The following BRINP2 variants were observed in gnomAD, a reference collection of about 807,000 sequenced individuals.
BRINP2 encodes the protein BMP/retinoic acid-inducible neural-specific protein 2.
A neutral mutation model predicts 69.2 loss-of-function variants in BRINP2; 21 were observed. The ratio of observed to expected loss-of-function variants is 0.30; its 90% CI spans 0.22 to 0.44. BRINP2 has a LOEUF of 0.44. Ranked by LOEUF, BRINP2 falls within the 20% of genes least tolerant of loss-of-function variation. The probability of loss-of-function intolerance (pLI) is 1.00; values close to 1 mark genes in which losing one functional copy is unlikely to be tolerated. For synonymous variants in BRINP2, 380 were observed against 394.1 expected, an observed-to-expected ratio of 0.96 and a Z score of 0.42; for missense variants, 877 against 986.0, an observed-to-expected ratio of 0.89 and a Z score of 1.48.
At chr1:177,172,087 C>T (rs978072296) in intron 1 of BRINP2, among the ~76,000 whole-genome samples, 1 of 152,184 alleles carries the variant, frequency 6.6e-6, no homozygotes, top group Non-Finnish European at 1.5e-5. Context: ...CAGAAGATGA[C>T]GAGGACTTTT....
At chr1:177,255,896 T>G in intron 2 of BRINP2, 23 bp from the exon 3 acceptor site, 1 of 1,610,890 alleles carries the variant, frequency 6.2e-7, no homozygotes. Flanking sequence ...CAGCTTTTCC[T>G]TATCCCTTGG....
intron 1 of BRINP2, among the ~76,000 whole-genome samples, chr1:177,174,003 A>G (rs796090101): frequency 4.7e-4 from 71 of 152,342 alleles, no homozygotes; most frequent in African/African-American, 1.7e-3. Flanking sequence ...TTATAATGGC[A>G]TCCTCTTCCA....
chr1:177,174,000 G>A (rs1329468470), intron 1 of BRINP2, among the ~76,000 whole-genome samples: 1 of 152,140 alleles, frequency 6.6e-6, no homozygotes, highest in Non-Finnish European at 1.5e-5. Context: ...ATTTTATAAT[G>A]GCATCCTCTT....
At chr1:177,205,510 A>T (rs1649047618) in intron 1 of BRINP2, among the ~76,000 whole-genome samples, 1 of 152,224 alleles carries the variant, frequency 6.6e-6, no homozygotes, top group South Asian at 2.1e-4. Flanking sequence ...TTCATTCCTG[A>T]GAAGAATGAG....
chr1:177,222,470 C>G (rs1015083104), intron 1 of BRINP2, among the ~76,000 whole-genome samples: 2 of 152,036 alleles, frequency 1.3e-5, no homozygotes, highest in African/African-American at 4.8e-5. Flanking sequence ...TGCCATCATG[C>G]CCAGCTAATT....
chr1:177,182,960 TTTTTTTTTCTTTTC>T (rs796194681), intron 1 of BRINP2, among the ~76,000 whole-genome samples: 7 of 151,018 alleles, frequency 4.6e-5, no homozygotes, highest in African/African-American at 1.7e-4. Context: ...GTTGTTTTTC[TTTTTTTTTCTTTTC>T]TTTTTTTTCT....
chr1:177,254,210 A>G (rs1486762251), intron 2 of BRINP2, among the ~76,000 whole-genome samples: 2 of 152,172 alleles, frequency 1.3e-5, no homozygotes, highest in East Asian at 1.9e-4. Flanking sequence ...TTCTCAAAAT[A>G]TGGATCCGCT....
intron 2 of BRINP2, among the ~76,000 whole-genome samples, chr1:177,249,547 A>G (rs554427126): frequency 1.3e-5 from 2 of 152,328 alleles, no homozygotes; most frequent in East Asian, 3.9e-4. Flanking sequence ...ACACAGTGGG[A>G]GAAGATTTTA....
intron 1 of BRINP2, among the ~76,000 whole-genome samples, chr1:177,221,634 T>C (rs1191873263): frequency 6.6e-6 from 1 of 152,196 alleles, no homozygotes; most frequent in African/African-American, 2.4e-5. Flanking sequence ...ATCTCAGTTA[T>C]TTCCCTCTTT....
chr1:177,190,144 G>A (rs1402641), intron 1 of BRINP2, among the ~76,000 whole-genome samples: 68,064 of 151,948 alleles, frequency 0.45, 15,272 homozygotes, highest in Middle Eastern at 0.53. Flanking sequence ...TGATAGGCAC[G>A]TTGCCTTCAG....
At chr1:177,278,448 C>A in intron 6 of BRINP2, 115 bp from the exon 7 acceptor site, 2 of 908,658 alleles carry the variant, frequency 2.2e-6, no homozygotes, top group Non-Finnish European at 3.5e-6. Context: ...GGGTGTGCAG[C>A]CTCCTTTCTC....
chr1:177,245,646 T>C (rs1236633917), intron 2 of BRINP2, among the ~76,000 whole-genome samples: 1 of 152,200 alleles, frequency 6.6e-6, no homozygotes, highest in Non-Finnish European at 1.5e-5. Context: ...CAGTTTGGGA[T>C]GTCAGGAAAG....
chr1:177,208,492 G>A (rs544608049), intron 1 of BRINP2, among the ~76,000 whole-genome samples: 1 of 152,324 alleles, frequency 6.6e-6, no homozygotes. Context: ...GGTGACGGCT[G>A]TAACCCACTA....
Position 177,275,644 on chromosome 1 carries a change from C to T in BRINP2, c.776-554C>T, listed in dbSNP as rs1558186947. On this transcript the variant is annotated intron_variant, in intron 5 of 7. Coordinates refer to ENST00000361539, the MANE Select transcript of BRINP2 (RefSeq NM_021165.4). ...ACATAGTACCTGGGCACTGTATCCC[C>T]ACAATATCTGTTCCTATCTCTTAAC... 4.6e-5 allele frequency among the ~76,000 whole-genome samples: 7 copies of T among 152,154 alleles called. No individual in the cohort carries two copies. In the South Asian group the frequency reaches 8.3e-4, roughly 18 times the overall value.
At chr1:177,211,492 G>A (rs941723191) in intron 1 of BRINP2, among the ~76,000 whole-genome samples, 8 of 152,192 alleles carry the variant, frequency 5.3e-5, no homozygotes, top group South Asian at 2.1e-4. Context: ...TTGTTCCTCC[G>A]TCCTACTTTG....
intron 1 of BRINP2, among the ~76,000 whole-genome samples, chr1:177,218,100 G>A (rs1343534879): frequency 1.3e-5 from 2 of 152,232 alleles, no homozygotes; most frequent in African/African-American, 4.8e-5. Flanking sequence ...ACTCCCAGGT[G>A]TGGCAGAACT....
At chr1:177,230,577 C>T (rs948861356) in intron 2 of BRINP2, among the ~76,000 whole-genome samples, 4 of 152,242 alleles carry the variant, frequency 2.6e-5, no homozygotes, top group African/African-American at 9.6e-5. Flanking sequence ...GCTCCAGCTC[C>T]TGCCTTAGAG....
chr1:177,175,158 G>T (rs572059928), intron 1 of BRINP2, among the ~76,000 whole-genome samples: 1 of 152,198 alleles, frequency 6.6e-6, no homozygotes, highest in Non-Finnish European at 1.5e-5. Context: ...ATTTAGCAGC[G>T]AGCAGGAGAT....
intron 4 of BRINP2, among the ~76,000 whole-genome samples, chr1:177,271,011 G>A (rs1224785540): frequency 6.6e-6 from 1 of 152,198 alleles, no homozygotes; most frequent in African/African-American, 2.4e-5. Context: ...TCCACATGTG[G>A]AGGGAGGCAG....
Sources: gnomAD v4.1 joint callset for allele counts (sites outside exome capture counted in the v4.1 genomes callset) on GRCh38, gnomAD v4.1.1 for gene constraint, MANE v1.5 for transcripts, NCBI Gene and HGNC (gene_info 2026-07-23, HGNC 2026-07-21) for gene names.